SOX6: variants seen among roughly 807,000 people sequenced by gnomAD.
SOX6 encodes SRY-box transcription factor 6.
SOX6 carries 11 observed loss-of-function variants against 97.8 expected under a neutral mutation model. That is an observed-to-expected ratio of 0.11 (90% CI 0.07 to 0.19). The LOEUF is 0.19. SOX6 is among the 10% of genes least tolerant of loss of function. The pLI, the probability that SOX6 is intolerant of heterozygous loss-of-function variation, is 1.00. For missense variants in SOX6, 810 were observed against 1,039.5 expected (o/e 0.78, Z 3.04); for synonymous variants, 360 against 371.4 (o/e 0.97, Z 0.35).
intron 9 of SOX6, among the ~76,000 whole-genome samples, chr11:16,067,397 T>C (rs909386355): frequency 1.3e-5 from 2 of 152,112 alleles, no homozygotes; most frequent in Non-Finnish European, 1.5e-5. Flanking sequence ...TGATAGTGAA[T>C]AAGTCTTGGG....
chr11:16,629,948 C>A (rs941051583), intron 3 of SOX6, among the ~76,000 whole-genome samples: 2 of 151,946 alleles, frequency 1.3e-5, no homozygotes, highest in Non-Finnish European at 2.9e-5. Context: ...GTAATGTCAC[C>A]TTTTGTCATT....
intron 9 of SOX6, among the ~76,000 whole-genome samples, chr11:16,083,258 G>A (rs936840938): frequency 6.6e-6 from 1 of 152,056 alleles, no homozygotes; most frequent in Non-Finnish European, 1.5e-5. Flanking sequence ...ATCTTAGTGT[G>A]CCCAAAATAG....
intron 4 of SOX6, among the ~76,000 whole-genome samples, chr11:16,585,907 T>C (rs555468048): frequency 6.6e-6 from 1 of 152,206 alleles, no homozygotes; most frequent in Non-Finnish European, 1.5e-5. Flanking sequence ...GGTCTTGAAC[T>C]CCTGGGCTTA....
At chr11:15,974,598 A>T (rs918083900) in intron 15 of SOX6, among the ~76,000 whole-genome samples, 5 of 129,248 alleles carry the variant, frequency 3.9e-5, no homozygotes, top group Admixed American at 8.9e-5. Flanking sequence ...TGTCCATGTG[A>T]TCTCATTGTT....
At chr11:16,456,810 T>C (rs1384099072) in intron 1 of SOX6, among the ~76,000 whole-genome samples, 2 of 152,110 alleles carry the variant, frequency 1.3e-5, no homozygotes, top group Non-Finnish European at 2.9e-5. Context: ...TTTCCTCCAG[T>C]GAAGAAATAA....
chr11:16,679,779 C>A (rs1455181835), intron 3 of SOX6, among the ~76,000 whole-genome samples: 2 of 152,126 alleles, frequency 1.3e-5, no homozygotes, highest in Non-Finnish European at 2.9e-5. Context: ...CCTGATGGAG[C>A]TGAAAACCAA....
At chr11:16,293,049 C>A (rs1854962420) in intron 3 of SOX6, among the ~76,000 whole-genome samples, 1 of 151,954 alleles carries the variant, frequency 6.6e-6, no homozygotes, top group Non-Finnish European at 1.5e-5. Flanking sequence ...TAAATAGGCA[C>A]AAAGGAGAAA....
intron 3 of SOX6, among the ~76,000 whole-genome samples, chr11:16,265,766 T>G (rs1368695269): frequency 1.3e-5 from 2 of 151,942 alleles, no homozygotes; most frequent in African/African-American, 4.8e-5. Context: ...AAAATTATTT[T>G]AATCAAATGT....
chr11:15,976,837 T>G (rs1853500188), intron 15 of SOX6, among the ~76,000 whole-genome samples: 1 of 152,104 alleles, frequency 6.6e-6, no homozygotes. Context: ...CATTATACCC[T>G]CTGGAACTCA....
chr11:16,041,268 T>C (rs16932480), intron 12 of SOX6, among the ~76,000 whole-genome samples: 1,840 of 152,234 alleles, frequency 0.012, 34 homozygotes, highest in African/African-American at 0.041. Flanking sequence ...ACAGCTATAT[T>C]GATCCTCTGT....
At chr11:16,340,858 A>G (rs922285686) in intron 2 of SOX6, among the ~76,000 whole-genome samples, 154 bp downstream of exon 2, 3 of 152,094 alleles carry the variant, frequency 2.0e-5, no homozygotes, top group Non-Finnish European at 4.4e-5. Context: ...AAGTTTTTCC[A>G]GTTATTAGTA....
intron 3 of SOX6, among the ~76,000 whole-genome samples, chr11:16,702,903 CA>C (rs1848105410): frequency 6.7e-6 from 1 of 148,892 alleles, no homozygotes; most frequent in Non-Finnish European, 1.5e-5. Flanking sequence ...AATATATATA[CA>C]TATATATAAT....
intron 4 of SOX6, among the ~76,000 whole-genome samples, chr11:16,561,493 C>T (rs1380799349): frequency 6.6e-6 from 1 of 152,140 alleles, no homozygotes; most frequent in Non-Finnish European, 1.5e-5. Context: ...GTCATGAGGG[C>T]AGGGACTTTC....
In SOX6 at chr11:16,640,555, T is replaced by C. The variant is rs1453013734; in HGVS notation, n.430-28295A>G. ...CATCTGGTCCTGGACTTTTTTTGGT[T>C]GGTAAGCTATTAATTATAGCCTCAA... On this transcript the variant is annotated intron_variant and non_coding_transcript_variant, in intron 3 of 5. Coordinates refer to the SOX6 transcript ENST00000524520. Among the ~76,000 whole-genome samples, 3 of 152,194 alleles carry C rather than the reference T, an allele frequency of 2.0e-5. No individual in the cohort carries two copies. The East Asian group carries it at 5.8e-4, about 29-fold the overall frequency.
At chr11:16,606,022 ATT>A (rs1250085158) in intron 4 of SOX6, 1 of 151,900 alleles carries the variant, frequency 6.6e-6, no homozygotes, top group Non-Finnish European at 1.5e-5. Context: ...GTTTATTTTA[ATT>A]TATGGCTTAT....
chr11:16,692,609 G>A (rs1848024512), intron 3 of SOX6, among the ~76,000 whole-genome samples: 1 of 152,056 alleles, frequency 6.6e-6, no homozygotes, highest in Admixed American at 6.6e-5. Flanking sequence ...TATCCAGCTT[G>A]GAGTCTGAAA....
At chr11:16,362,921 G>C (rs1392662536) in intron 1 of SOX6, among the ~76,000 whole-genome samples, 1 of 152,174 alleles carries the variant, frequency 6.6e-6, no homozygotes, top group Non-Finnish European at 1.5e-5. Flanking sequence ...GATACTTCTA[G>C]TCATAGAGAT....
At chr11:16,340,479 C>T (rs1035061300) in intron 2 of SOX6, among the ~76,000 whole-genome samples, 9 of 152,148 alleles carry the variant, frequency 5.9e-5, no homozygotes, top group African/African-American at 2.2e-4. Context: ...GTCTGATTGA[C>T]TTATTCTCAC....
At chr11:16,589,127 C>T (rs906001411) in intron 4 of SOX6, among the ~76,000 whole-genome samples, 1 of 152,208 alleles carries the variant, frequency 6.6e-6, no homozygotes, top group Non-Finnish European at 1.5e-5. Flanking sequence ...GTTATGGCTA[C>T]ATTCTTCAGA....
Sources: allele counts gnomAD v4.1 joint callset (sites outside exome capture counted in the v4.1 genomes callset), GRCh38; gene constraint gnomAD v4.1.1; transcripts MANE v1.5; gene names NCBI Gene and HGNC (gene_info 2026-07-23, HGNC 2026-07-21).